The following TMEM74 variants were observed in gnomAD, a reference collection of about 807,000 sequenced individuals.
The protein encoded by TMEM74 is transmembrane protein 74.
Under a neutral mutation model 18.1 loss-of-function variants are expected in TMEM74, and 13 were observed. The ratio of observed to expected loss-of-function variants is 0.72; its 90% CI spans 0.47 to 1.14. The LOEUF (loss-of-function observed/expected upper bound fraction) is 1.14, where lower values mean the gene tolerates loss of function less well. Among genes scored for constraint, TMEM74 ranks in the 50% most tolerant of loss-of-function variants. The probability of loss-of-function intolerance (pLI) is 0.00; values close to 1 mark genes in which losing one functional copy is unlikely to be tolerated. For missense variants in TMEM74, 372 were observed against 375.9 expected (o/e 0.99, Z 0.09); for synonymous variants, 159 against 146.6 (o/e 1.08, Z -0.61).
chr8:108,705,065 A>G (rs575527231), intron 1 of TMEM74, among the ~76,000 whole-genome samples: 1 of 152,354 alleles, frequency 6.6e-6, no homozygotes, highest in East Asian at 1.9e-4. Flanking sequence ...AAATCATGAT[A>G]GCATCGAATT....
At chr8:108,762,955 C>T (rs1036289062) in intron 1 of TMEM74, among the ~76,000 whole-genome samples, 16 of 152,128 alleles carry the variant, frequency 1.1e-4, no homozygotes, top group Admixed American at 1.0e-3. Context: ...CCTTTATATT[C>T]CATTGCTTAG....
chr8:108,625,782 C>T (rs1812487649), intron 2 of TMEM74, among the ~76,000 whole-genome samples: 1 of 152,020 alleles, frequency 6.6e-6, no homozygotes, highest in Admixed American at 6.6e-5. Context: ...AACCTGCAAG[C>T]AAGCTTAATG....
chr8:108,735,467 G>A (rs1813738977), intron 1 of TMEM74, among the ~76,000 whole-genome samples: 2 of 152,104 alleles, frequency 1.3e-5, no homozygotes, highest in African/African-American at 4.8e-5. Flanking sequence ...TTAGTATACA[G>A]TTTTTGTGAC....
intron 2 of TMEM74, among the ~76,000 whole-genome samples, chr8:108,653,765 C>A (rs1563741278): frequency 6.6e-6 from 1 of 152,052 alleles, no homozygotes; most frequent in Admixed American, 6.6e-5. Context: ...AGAAGTATAA[C>A]AATAGATACA....
At chr8:108,640,115 C>CTTTTTTTTTTTTTTTTTTTTTTT (rs35455409) in intron 2 of TMEM74, among the ~76,000 whole-genome samples, 1 of 78,888 alleles carries the variant, frequency 1.3e-5, no homozygotes. Context: ...ATAGTAATCA[C>CTTTTTTTTTTTTTTTTTTTTTTT]TTTTTTTTTT....
chr8:108,705,727 A>G (rs1299671335), intron 1 of TMEM74, among the ~76,000 whole-genome samples: 16 of 152,128 alleles, frequency 1.1e-4, no homozygotes, highest in Admixed American at 1.0e-3. Flanking sequence ...TGAAAAAAAA[A>G]GTATATACAT....
chr8:108,660,468 A>T (rs771133966), intron 1 of TMEM74, among the ~76,000 whole-genome samples: 24 of 152,146 alleles, frequency 1.6e-4, no homozygotes, highest in Non-Finnish European at 3.1e-4. Context: ...TCTTCTTGGT[A>T]TTCAACCTTC....
intron 1 of TMEM74, among the ~76,000 whole-genome samples, chr8:108,660,536 C>T (rs1812889792): frequency 6.6e-6 from 1 of 152,182 alleles, no homozygotes; most frequent in Non-Finnish European, 1.5e-5. Flanking sequence ...GTCCCTGACA[C>T]TTAGAGAAAC....
intron 2 of TMEM74, among the ~76,000 whole-genome samples, chr8:108,640,984 T>C (rs1018996947): frequency 6.6e-6 from 1 of 152,218 alleles, no homozygotes; most frequent in African/African-American, 2.4e-5. Context: ...AAATAACTTT[T>C]GCTTTCAACT....
At chr8:108,609,193 A>G (rs1208158999) in intron 2 of TMEM74, among the ~76,000 whole-genome samples, 1 of 152,226 alleles carries the variant, frequency 6.6e-6, no homozygotes, top group Non-Finnish European at 1.5e-5. Flanking sequence ...TATAGATTTC[A>G]AAGGATTGAA....
At chr8:108,640,044 C>G (rs1177264650) in intron 2 of TMEM74, among the ~76,000 whole-genome samples, 1 of 151,754 alleles carries the variant, frequency 6.6e-6, no homozygotes, top group Non-Finnish European at 1.5e-5. Flanking sequence ...TTCTATGTCC[C>G]CTGTCTCATT....
chr8:108,765,409 T>G (rs200642518), intron 1 of TMEM74, among the ~76,000 whole-genome samples: 115 of 139,752 alleles, frequency 8.2e-4, no homozygotes, highest in East Asian at 7.2e-3. Flanking sequence ...TGGAACTACT[T>G]TTTTTTTTTT....
intron 1 of TMEM74, among the ~76,000 whole-genome samples, chr8:108,768,940 T>C (rs1814140837): frequency 6.6e-6 from 1 of 152,140 alleles, no homozygotes; most frequent in African/African-American, 2.4e-5. Context: ...CTGACTTGTA[T>C]GCAAGGTTTG....
chr8:108,740,348 T>C (rs1178594056), intron 1 of TMEM74, among the ~76,000 whole-genome samples: 2 of 152,206 alleles, frequency 1.3e-5, no homozygotes, highest in Non-Finnish European at 2.9e-5. Flanking sequence ...AGGCTTCTAA[T>C]GACCTAACCT....
chr8:108,710,142 G>T (rs1233545786), intron 1 of TMEM74, among the ~76,000 whole-genome samples: 1 of 152,220 alleles, frequency 6.6e-6, no homozygotes, highest in African/African-American at 2.4e-5. Flanking sequence ...ACACTGACTG[G>T]CATGCAGCAA....
intron 1 of TMEM74, among the ~76,000 whole-genome samples, chr8:108,711,641 T>C (rs1813476452): frequency 6.6e-6 from 1 of 152,084 alleles, no homozygotes; most frequent in Non-Finnish European, 1.5e-5. Context: ...GTCTAGAAGT[T>C]TGGCAAGGCC....
At chr8:108,757,804 C>G (rs372636591) in intron 1 of TMEM74, among the ~76,000 whole-genome samples, 5 of 152,058 alleles carry the variant, frequency 3.3e-5, no homozygotes, top group African/African-American at 1.2e-4. Context: ...CCTTTCAAAT[C>G]AAATCAGGAG....
In TMEM74 at chr8:108,666,464, G is replaced by A. The variant is rs1053182270; in HGVS notation, n.120-11027C>T. 3.3e-5 allele frequency among the ~76,000 whole-genome samples: 5 copies of A among 152,204 alleles called. 1 individual carries two copies. The highest frequency in any genetic ancestry group is 3.3e-4 in the Admixed American group (5 of 15,272). On this transcript the variant is annotated intron_variant and non_coding_transcript_variant, in intron 1 of 3. Coordinates refer to the TMEM74 transcript ENST00000518838. ...ATATTAGTTTTGGTTCCCCACCAGG[G>A]GGCTTCCTGGACCCCTTTAAGGGCA... is the stretch of plus-strand genomic sequence containing the variant.
chr8:108,657,878 ATATATATATATATATATATATATATT>A, intron 1 of TMEM74, among the ~76,000 whole-genome samples: 1 of 103,474 alleles, frequency 9.7e-6, no homozygotes, highest in Non-Finnish European at 1.8e-5. Context: ...ATATATATAT[ATATATATATATATATATATATATATT>A]AATTACATAT....
Sources: gnomAD v4.1 joint callset for allele counts (sites outside exome capture counted in the v4.1 genomes callset) on GRCh38, gnomAD v4.1.1 for gene constraint, MANE v1.5 for transcripts, NCBI Gene and HGNC (gene_info 2026-07-23, HGNC 2026-07-21) for gene names.